Variants in SPNS3 observed in about 807,000 individuals in gnomAD.
SPNS3 encodes the protein SPNS lysolipid transporter 3, sphingosine-1-phosphate (putative), also known as protein spinster homolog 3.
SPNS3 carries 51 observed loss-of-function variants against 54.4 expected under a neutral mutation model. That is an observed-to-expected ratio of 0.94 (90% CI 0.75 to 1.18). The LOEUF (loss-of-function observed/expected upper bound fraction) is 1.18. SPNS3 is among the 50% of genes most tolerant of loss of function. The pLI, the probability that SPNS3 is intolerant of heterozygous loss-of-function variation, is 0.00. For missense variants in SPNS3, 669 were observed against 677.4 expected (o/e 0.99, Z 0.14); for synonymous variants, 309 against 294.7 (o/e 1.05, Z -0.50).
chr17:4,455,162 T>A (rs145845044), intron 8 of SPNS3, among the ~76,000 whole-genome samples: 10 of 151,616 alleles, frequency 6.6e-5, no homozygotes, highest in Non-Finnish European at 1.3e-4. Flanking sequence ...GATCCGCCTG[T>A]CTCGGCCTCC....
intron 6 of SPNS3, among the ~76,000 whole-genome samples, chr17:4,448,962 T>TG (rs1260824266): frequency 7.3e-5 from 11 of 151,614 alleles, no homozygotes; most frequent in South Asian, 4.2e-4. Context: ...GTGTGTGAGT[T>TG]GGGGGGGTCT....
chr17:4,442,625 A>T (rs1039942673), intron 2 of SPNS3, among the ~76,000 whole-genome samples: 4 of 152,138 alleles, frequency 2.6e-5, no homozygotes, highest in Non-Finnish European at 5.9e-5. Context: ...AAGCTGCTGG[A>T]GTGAGTTCAT....
chr17:4,451,027 T>C (rs1438990285), intron 7 of SPNS3, among the ~76,000 whole-genome samples: 1 of 152,096 alleles, frequency 6.6e-6, no homozygotes, highest in Non-Finnish European at 1.5e-5. Flanking sequence ...TGGCTGCCCC[T>C]CCTGCTTAGG....
At chr17:4,462,891 ATCCCTT>A (rs1971575459) in intron 8 of SPNS3, among the ~76,000 whole-genome samples, 1 of 103,440 alleles carries the variant, frequency 9.7e-6, no homozygotes, top group Admixed American at 1.4e-4. Context: ...CCATCCATCC[ATCCCTT>A]CACTTCTCAG....
chr17:4,447,345 T>A (rs16953942), intron 5 of SPNS3, among the ~76,000 whole-genome samples: 232 of 152,264 alleles, frequency 1.5e-3, no homozygotes, highest in African/African-American at 5.4e-3. Flanking sequence ...CCTTGAGGAC[T>A]GGCAGCTAGG....
At chr17:4,460,429 AT>A (rs34851131) in intron 8 of SPNS3, among the ~76,000 whole-genome samples, 47,883 of 98,472 alleles carry the variant, frequency 0.49, 10,176 homozygotes, top group South Asian at 0.58. Context: ...GTATTGCTGG[AT>A]TTTTTTTTTT....
In SPNS3 at chr17:4,453,115, G is replaced by A. The variant is rs556362528; in HGVS notation, c.1023G>A (p.Glu341=). 22 of 1,614,086 alleles carry A rather than the reference G, an allele frequency of 1.4e-5. No homozygotes were observed. In the South Asian group the frequency reaches 2.3e-4, roughly 17 times the overall value. The part of the protein sequence containing the change: ...RRYKKVIPGA[E]PLICASSLLA... ...ACAAGAAAGTCATTCCAGGAGCTGA[G>A]CCCCTCATCTGCGCCTCCAGCCTGC... Residue 341 remains glutamate (E), a synonymous_variant, in exon 8 of 12, where the codon GAG becomes GAA. Coordinates refer to ENST00000355530, the MANE Select transcript of SPNS3 (RefSeq NM_182538.5).
chr17:4,438,934 G>A (rs1238575154), intron 1 of SPNS3, among the ~76,000 whole-genome samples: 2 of 137,452 alleles, frequency 1.5e-5, no homozygotes, highest in Non-Finnish European at 3.3e-5. Context: ...CTGTGAGAGT[G>A]AGTTCCTGTG....
chr17:4,482,743 C>A (rs1203240654), intron 9 of SPNS3, among the ~76,000 whole-genome samples: 1 of 152,166 alleles, frequency 6.6e-6, no homozygotes, highest in South Asian at 2.1e-4. Flanking sequence ...CCCTGCCTCC[C>A]GAAACCTAGT....
intron 2 of SPNS3, among the ~76,000 whole-genome samples, chr17:4,441,801 G>C (rs1031344045): frequency 5.3e-5 from 8 of 151,098 alleles, no homozygotes; most frequent in Admixed American, 1.3e-4. Flanking sequence ...GGGTGTGTTG[G>C]GGGGGGTCTC....
chr17:4,464,152 T>TG (rs916584998), intron 8 of SPNS3, among the ~76,000 whole-genome samples: 12 of 152,320 alleles, frequency 7.9e-5, no homozygotes, highest in Non-Finnish European at 1.6e-4. Flanking sequence ...GGGCCTTCCC[T>TG]GGGGGAGCCC....
chr17:4,449,228 C>G lies in SPNS3; in HGVS notation c.771-7C>G. The stretch of plus-strand genomic sequence containing the variant: ...CCCAACTCCAGCTGGGGCACCTCGT[C>G]TTGCAGCTGGAGTTTCGTGTGGTCG... On this transcript the variant is annotated splice_polypyrimidine_tract_variant and splice_region_variant and intron_variant, in intron 6 of 11. Coordinates refer to ENST00000355530, the MANE Select transcript of SPNS3 (RefSeq NM_182538.5). 2 of 1,609,542 alleles carry G rather than the reference C, an allele frequency of 1.2e-6. No homozygotes were observed. The highest frequency in any genetic ancestry group is 8.5e-7 in the Non-Finnish European group (1 of 1,179,552).
intron 1 of SPNS3, among the ~76,000 whole-genome samples, chr17:4,437,788 CTTTTTT>C (rs35523910): frequency 6.9e-6 from 1 of 144,084 alleles, no homozygotes. Flanking sequence ...ACAAAGATTT[CTTTTTT>C]TTTTTTTTTG....
chr17:4,467,872 G>C (rs530045149), intron 8 of SPNS3, among the ~76,000 whole-genome samples: 8 of 152,154 alleles, frequency 5.3e-5, no homozygotes, highest in Admixed American at 4.6e-4. Context: ...TCACCATGTT[G>C]GTTGGCCAGG....
At chr17:4,441,983 AGTGTGT>A (rs373836833) in intron 2 of SPNS3, among the ~76,000 whole-genome samples, 6 of 139,000 alleles carry the variant, frequency 4.3e-5, no homozygotes, top group South Asian at 2.4e-4. Flanking sequence ...CGGAGGGAGA[AGTGTGT>A]GTGTGTGTGT....
chr17:4,486,900 G>A lies in SPNS3; in HGVS notation c.1450+317G>A, dbSNP rs1185730487. On this transcript the variant is annotated intron_variant, in intron 11 of 11. Transcript: ENST00000355530. The surrounding 1 kb of genome is among the most constrained non-coding windows in gnomAD (Gnocchi z 5.5). ...GAAAGGAAGGAGAAAGGGGCCGGGC[G>A]CGGTGGCTCACACCTGTAATCCCAG... Among the ~76,000 whole-genome samples, 2 of 152,086 alleles carry A rather than the reference G, an allele frequency of 1.3e-5. No homozygotes were observed. The highest frequency in any genetic ancestry group is 2.9e-5 in the Non-Finnish European group (2 of 68,010).
chr17:4,452,787 T>G, intron 7 of SPNS3, among the ~76,000 whole-genome samples: 1 of 150,500 alleles, frequency 6.6e-6, no homozygotes, highest in African/African-American at 2.5e-5. Context: ...AGACAGGAGA[T>G]GAGGCAGGAA....
chr17:4,461,808 GAGC>G (rs1365031881), intron 8 of SPNS3, among the ~76,000 whole-genome samples: 1 of 152,082 alleles, frequency 6.6e-6, no homozygotes, highest in Non-Finnish European at 1.5e-5. Flanking sequence ...AAGTGAGCAG[GAGC>G]AGCAAGTGTT....
intron 9 of SPNS3, among the ~76,000 whole-genome samples, chr17:4,480,918 A>G (rs1972133837): frequency 6.6e-6 from 1 of 152,212 alleles, no homozygotes; most frequent in African/African-American, 2.4e-5. Flanking sequence ...TTCGGGGATC[A>G]GAGCTGAGCA....
Sources: allele counts gnomAD v4.1 joint callset (sites outside exome capture counted in the v4.1 genomes callset), GRCh38; gene constraint gnomAD v4.1.1; non-coding constraint Gnocchi (gnomAD v3.1); transcripts MANE v1.5; gene names NCBI Gene and HGNC (gene_info 2026-07-23, HGNC 2026-07-21).